The following PLCB1 variants were observed in gnomAD, a reference collection of about 807,000 sequenced individuals.
PLCB1 encodes phospholipase C beta 1.
In PLCB1, 46 loss-of-function variants were observed where a neutral mutation model predicts 161.8. The observed-to-expected ratio is 0.28, with a 90% CI of 0.22 to 0.36. The LOEUF is 0.36. Ranked by LOEUF, PLCB1 falls within the 10% of genes least tolerant of loss-of-function variation. PLCB1 has a pLI of 1.00. For missense variants in PLCB1, 1,016 were observed against 1,472.5 expected (o/e 0.69, Z 5.07); for synonymous variants, 517 against 503.7 (o/e 1.03, Z -0.35).
chr20:8,518,962 A>G (rs1292740044), intron 3 of PLCB1, among the ~76,000 whole-genome samples: 1 of 152,024 alleles, frequency 6.6e-6, no homozygotes, highest in East Asian at 1.9e-4. Context: ...TGCTCCTATA[A>G]GAATCTAATG....
chr20:8,873,579 T>A (rs6056219), intron 31 of PLCB1, among the ~76,000 whole-genome samples: 111,191 of 151,972 alleles, frequency 0.73, 41,627 homozygotes, highest in African/African-American at 0.89. Context: ...AGAAATAGAA[T>A]AAATAAAGAT....
intron 27 of PLCB1, among the ~76,000 whole-genome samples, chr20:8,784,191 G>A (rs1028847426): frequency 1.3e-5 from 2 of 151,992 alleles, no homozygotes; most frequent in African/African-American, 2.4e-5. Context: ...CTGTCTCCTG[G>A]AGGTTCAGTA....
intron 27 of PLCB1, 100 bp downstream of exon 27, chr20:8,774,819 G>T (rs1222937199): frequency 2.3e-6 from 2 of 871,700 alleles, no homozygotes; most frequent in Non-Finnish European, 3.5e-6. Context: ...GGGTGGGTGT[G>T]ACTGGCACCA....
At chr20:8,677,098 A>C (rs1032288695) in intron 9 of PLCB1, among the ~76,000 whole-genome samples, 1 of 152,212 alleles carries the variant, frequency 6.6e-6, no homozygotes, top group Admixed American at 6.5e-5. Flanking sequence ...AAAATGTATA[A>C]AAGTTTAAAA....
rs369058045 is a variant in PLCB1, at chr20:8,710,925, A to G, written c.1250+2173A>G. Among the ~76,000 whole-genome samples the G allele has an allele frequency of 1.8e-4, 27 of 152,272 alleles. No homozygotes were observed. In the South Asian group the frequency reaches 2.1e-3, roughly 12 times the overall value. The stretch of plus-strand genomic sequence containing the variant: ...CAGAAAAATATCAACCGCCACCACC[A>G]CCACCAACATAATAGCTAACCTTTA... On this transcript the variant is annotated intron_variant, in intron 12 of 31. Transcript: ENST00000338037.
At chr20:8,173,441 G>C (rs1256621000) in intron 2 of PLCB1, among the ~76,000 whole-genome samples, 1 of 152,064 alleles carries the variant, frequency 6.6e-6, no homozygotes, top group East Asian at 1.9e-4. Flanking sequence ...ACACAGCAAA[G>C]GTTCTGAAAA....
At chr20:8,379,517 G>C (rs536921404) in intron 3 of PLCB1, among the ~76,000 whole-genome samples, 142 of 152,204 alleles carry the variant, frequency 9.3e-4, no homozygotes, top group Non-Finnish European at 1.7e-3. Flanking sequence ...GATCCATGAG[G>C]AATCACCATA....
intron 2 of PLCB1, among the ~76,000 whole-genome samples, chr20:8,370,138 C>T (rs1389278017): frequency 6.6e-6 from 1 of 152,146 alleles, no homozygotes; most frequent in Non-Finnish European, 1.5e-5. Context: ...GCTCATTGCC[C>T]AGGAATCATA....
At chr20:8,363,064 T>C (rs1986595445) in intron 2 of PLCB1, among the ~76,000 whole-genome samples, 1 of 152,154 alleles carries the variant, frequency 6.6e-6, no homozygotes, top group South Asian at 2.1e-4. Flanking sequence ...GGTGACAGCA[T>C]TGCAGTCATT....
Position 8,571,184 on chromosome 20 carries a change from C to T in PLCB1, c.247-57110C>T, listed in dbSNP as rs957209425. Among the ~76,000 whole-genome samples, 4 of 152,094 alleles carry T rather than the reference C, an allele frequency of 2.6e-5. No individual in the cohort carries two copies. In the South Asian group the frequency reaches 6.2e-4, roughly 24 times the overall value. On this transcript the variant is annotated intron_variant, in intron 3 of 31. Coordinates refer to ENST00000338037, the MANE Select transcript of PLCB1 (RefSeq NM_015192.4). ...ATACCTATTTGTGTTTTTTAGAAAT[C>T]TGTTTGGGAGGCCAGGCATGGTGGC...
chr20:8,720,226 A>G (rs1400993921), intron 14 of PLCB1, among the ~76,000 whole-genome samples: 1 of 152,144 alleles, frequency 6.6e-6, no homozygotes, highest in Non-Finnish European at 1.5e-5. Context: ...CTTTCCCACT[A>G]CCAGTTCTCT....
At chr20:8,197,539 A>C (rs2052038675) in intron 2 of PLCB1, among the ~76,000 whole-genome samples, 1 of 151,884 alleles carries the variant, frequency 6.6e-6, no homozygotes, top group South Asian at 2.1e-4. Context: ...GTTTGAGTTC[A>C]TTGTAGATTC....
intron 31 of PLCB1, among the ~76,000 whole-genome samples, chr20:8,800,684 C>A (rs1029607092): frequency 6.6e-6 from 1 of 152,044 alleles, no homozygotes; most frequent in African/African-American, 2.4e-5. Context: ...AGATTTGTTT[C>A]CTTTTTCTTT....
intron 3 of PLCB1, among the ~76,000 whole-genome samples, chr20:8,502,455 G>T (rs73896899): frequency 0.03 from 4,630 of 152,112 alleles, 235 homozygotes; most frequent in African/African-American, 0.11. Context: ...ATTAATATAT[G>T]GATATCATAT....
intron 4 of PLCB1, 70 bp downstream of exon 4, chr20:8,628,501 G>A: frequency 1.3e-6 from 2 of 1,484,232 alleles, no homozygotes; most frequent in Non-Finnish European, 1.9e-6. Context: ...ACTAATGCCT[G>A]CAAAAGACTG....
chr20:8,161,586 C>A (rs2051624185), intron 2 of PLCB1, among the ~76,000 whole-genome samples: 1 of 151,986 alleles, frequency 6.6e-6, no homozygotes, highest in Non-Finnish European at 1.5e-5. Context: ...GGATTTTTTT[C>A]CTTGGATTTG....
intron 2 of PLCB1, among the ~76,000 whole-genome samples, chr20:8,329,432 C>T (rs1985283207): frequency 2.6e-5 from 4 of 151,542 alleles, no homozygotes; most frequent in East Asian, 1.9e-4. Context: ...GGATGACAGG[C>T]GTGAGCCACC....
At chr20:8,488,894 G>T (rs556082787) in intron 3 of PLCB1, among the ~76,000 whole-genome samples, 22 of 152,204 alleles carry the variant, frequency 1.4e-4, no homozygotes, top group African/African-American at 5.1e-4. Context: ...CTGGCATAGA[G>T]ATAAACATTT....
intron 2 of PLCB1, among the ~76,000 whole-genome samples, chr20:8,268,083 A>G (rs1159804272): frequency 2.0e-5 from 3 of 152,038 alleles, no homozygotes; most frequent in Non-Finnish European, 4.4e-5. Flanking sequence ...CATCATTTAC[A>G]TTAGGTATAT....
Sources: allele counts gnomAD v4.1 joint callset (sites outside exome capture counted in the v4.1 genomes callset), GRCh38; gene constraint gnomAD v4.1.1; transcripts MANE v1.5; gene names NCBI Gene and HGNC (gene_info 2026-07-23, HGNC 2026-07-21).